Variants in TMCO5A observed in about 807,000 individuals in gnomAD.
TMCO5A encodes transmembrane and coiled-coil domain-containing protein 5A.
Under a neutral mutation model 42.3 loss-of-function variants are expected in TMCO5A, and 34 were observed. The ratio of observed to expected loss-of-function variants is 0.80; its 90% CI spans 0.61 to 1.07. The LOEUF (loss-of-function observed/expected upper bound fraction) is 1.07. Among genes scored for constraint, TMCO5A ranks in the 50% least tolerant of loss-of-function variants. The pLI is 0.00. For missense variants in TMCO5A, 357 were observed against 327.9 expected (o/e 1.09, Z -0.69); for synonymous variants, 131 against 115.6 (o/e 1.13, Z -0.86).
At chr15:38,024,730 T>A in the TMCO5A span, 1 of 152,318 alleles carries the variant, frequency 6.6e-6, no homozygotes, top group South Asian at 2.1e-4. Context: ...AGGCCTCACA[T>A]AGAGAGACCT....
chr15:38,000,121 A>G, the TMCO5A span, among the ~76,000 whole-genome samples: 1 of 152,192 alleles, frequency 6.6e-6, no homozygotes, highest in African/African-American at 2.4e-5. Flanking sequence ...AATGCTTGGT[A>G]GAATTCAGCA....
At chr15:37,936,219 A>C in intron 2 of TMCO5A, 95 bp from the exon 3 acceptor site, 1 of 1,397,436 alleles carries the variant, frequency 7.2e-7, no homozygotes. Context: ...GAGTAAGGTT[A>C]ATAAACTAGA....
intron 5 of TMCO5A, 59 bp from the exon 6 acceptor site, chr15:37,938,099 G>C: frequency 7.1e-7 from 1 of 1,413,990 alleles, no homozygotes; most frequent in Non-Finnish European, 9.8e-7. Flanking sequence ...CCACACACCA[G>C]AGAAAGTCTT....
intron 10 of TMCO5A, 60 bp from the exon 11 acceptor site, chr15:37,947,596 T>C (rs1394707223): frequency 1.8e-6 from 2 of 1,086,058 alleles, no homozygotes; most frequent in Admixed American, 1.9e-5. Flanking sequence ...CTAAATATTA[T>C]TGGATGATGA....
Position 37,936,416 on chromosome 15 carries a change from T to C in TMCO5A, c.93T>C (p.Asn31=), listed in dbSNP as rs17852643. ...ATACGCAGAGAATAGATGAAGCAAA[T>C]CAGAAACTTCTTCTCAAAATCCAAG... The part of the protein sequence containing the change: ...ERDTQRIDEA[N]QKLLLKIQER... The change falls in exon 3 of 12, where the codon AAT becomes AAC. Residue 31 remains asparagine, a synonymous_variant. Transcript: ENST00000319669. 7 of 1,612,848 alleles carry C rather than the reference T, an allele frequency of 4.3e-6. No homozygotes were observed. Among genetic ancestry groups the C allele is most frequent in the Admixed American group, 1.7e-5 (1 of 59,864 alleles).
rs974812387 is a variant in TMCO5A, at chr15:37,941,171, C to G, written c.410C>G (p.Ala137Gly). 6.2e-7 allele frequency: 1 copy of G among 1,613,212 alleles called. No individual in the cohort carries two copies. The highest frequency in any genetic ancestry group is 1.3e-5 in the African/African-American group (1 of 74,988). Residue 137 changes from alanine (A) to glycine (G), a missense_variant, in exon 7 of 12, where the codon GCT becomes GGT. Coordinates refer to ENST00000319669, the MANE Select transcript of TMCO5A (RefSeq NM_152453.4). ...ETKVKLQQLEASYACQEKELL... is the reference protein window; with the variant it reads ...ETKVKLQQLEGSYACQEKELL... ...TAGGTTAAGTTACAACAGCTGGAAG[C>G]TTCCTATGCATGCCAAGAGAAGGAG...
the TMCO5A span, among the ~76,000 whole-genome samples, chr15:38,030,793 T>C: frequency 6.6e-6 from 1 of 152,172 alleles, no homozygotes; most frequent in Non-Finnish European, 1.5e-5. Context: ...GCCGAGAACA[T>C]AACCTGTTGC....
At chr15:37,982,892 A>G in the TMCO5A span, among the ~76,000 whole-genome samples, 124 of 151,390 alleles carry the variant, frequency 8.2e-4, no homozygotes, top group Non-Finnish European at 1.4e-3. Context: ...CAGTCATCAT[A>G]CTGCAGAAAC....
At chr15:38,014,682 A>G in the TMCO5A span, among the ~76,000 whole-genome samples, 1 of 151,740 alleles carries the variant, frequency 6.6e-6, no homozygotes, top group Non-Finnish European at 1.5e-5. Context: ...AAAATTGTTT[A>G]ATGTGTTTCC....
the TMCO5A span, among the ~76,000 whole-genome samples, chr15:38,007,872 C>CTTTTTTTTTTTTTT: frequency 1.9e-4 from 9 of 47,406 alleles, 3 homozygotes; most frequent in Admixed American, 7.9e-4. Flanking sequence ...CTCACCCACA[C>CTTTTTTTTTTTTTT]TTTTTTTTTT....
the TMCO5A span, among the ~76,000 whole-genome samples, chr15:38,032,153 C>T: frequency 5.3e-5 from 8 of 152,080 alleles, no homozygotes; most frequent in Non-Finnish European, 1.2e-4. Flanking sequence ...CAGGTTTTCT[C>T]CATGTTGGTT....
intron 11 of TMCO5A, among the ~76,000 whole-genome samples, chr15:37,959,624 T>C (rs1566923167): frequency 4.6e-5 from 7 of 152,036 alleles, no homozygotes; most frequent in Admixed American, 1.3e-4. Flanking sequence ...AAGCAATTGA[T>C]ATAATTCAAC....
the TMCO5A span, among the ~76,000 whole-genome samples, chr15:38,016,350 G>A: frequency 6.6e-6 from 1 of 152,202 alleles, no homozygotes. Flanking sequence ...CCACTTATGA[G>A]CAATCGAAAA....
At chr15:38,027,180 G>A in the TMCO5A span, among the ~76,000 whole-genome samples, 7 of 152,072 alleles carry the variant, frequency 4.6e-5, no homozygotes, top group South Asian at 2.1e-4. Context: ...CTGGAAAAAC[G>A]GCAGACACTC....
chr15:37,938,694 G>T (rs1441242420), intron 6 of TMCO5A, among the ~76,000 whole-genome samples: 1 of 152,050 alleles, frequency 6.6e-6, no homozygotes, highest in Non-Finnish European at 1.5e-5. Flanking sequence ...ATTCATAGAG[G>T]CAGAACTAGG....
At chr15:37,976,535 G>T in the TMCO5A span, among the ~76,000 whole-genome samples, 1 of 152,090 alleles carries the variant, frequency 6.6e-6, no homozygotes, top group Non-Finnish European at 1.5e-5. Flanking sequence ...CTCTCTTTCA[G>T]GATAGCCAAT....
chr15:38,001,167 T>C, the TMCO5A span, among the ~76,000 whole-genome samples: 1 of 152,094 alleles, frequency 6.6e-6, no homozygotes, highest in Non-Finnish European at 1.5e-5. Context: ...TTGTTATATA[T>C]ATCTGGATGC....
downstream of TMCO5A, among the ~76,000 whole-genome samples, chr15:37,972,072 T>C (rs900132460): frequency 6.6e-6 from 1 of 152,190 alleles, no homozygotes; most frequent in Non-Finnish European, 1.5e-5. Flanking sequence ...GTTTTCACAC[T>C]GCTGATGAAG....
chr15:38,031,353 C>G, the TMCO5A span, among the ~76,000 whole-genome samples: 1 of 152,178 alleles, frequency 6.6e-6, no homozygotes, highest in African/African-American at 2.4e-5. Context: ...GCCTCCTGGT[C>G]TTCACATCTT....
Sources: gnomAD v4.1 joint callset for allele counts (sites outside exome capture counted in the v4.1 genomes callset) on GRCh38, gnomAD v4.1.1 for gene constraint, MANE v1.5 for transcripts, NCBI Gene and HGNC (gene_info 2026-07-23, HGNC 2026-07-21) for gene names.